The following GRIA4 variants were observed in gnomAD, a reference collection of about 807,000 sequenced individuals.
GRIA4 encodes glutamate ionotropic receptor AMPA type subunit 4.
A neutral mutation model predicts 104.0 loss-of-function variants in GRIA4; 34 were observed. That is an observed-to-expected ratio of 0.33 (90% confidence interval 0.25 to 0.44). The LOEUF (loss-of-function observed/expected upper bound fraction) is 0.44, where lower values mean the gene tolerates loss of function less well. GRIA4 is among the 20% of genes least tolerant of loss of function. The probability of loss-of-function intolerance (pLI) is 1.00; values close to 1 mark genes in which losing one functional copy is unlikely to be tolerated. For missense variants in GRIA4, 750 were observed against 1,096.5 expected (o/e 0.68, Z 4.46); for synonymous variants, 386 against 381.9 (o/e 1.01, Z -0.13).
chr11:105,953,735 T>A (rs1291048798), intron 14 of GRIA4, among the ~76,000 whole-genome samples: 1 of 152,098 alleles, frequency 6.6e-6, no homozygotes, highest in Non-Finnish European at 1.5e-5. Context: ...TTTAGTTTGA[T>A]TTCAAGAAAG....
intron 3 of GRIA4, among the ~76,000 whole-genome samples, chr11:105,733,162 A>T (rs1229278675): frequency 6.6e-6 from 1 of 152,234 alleles, no homozygotes; most frequent in Non-Finnish European, 1.5e-5. Context: ...ATACATTTTC[A>T]TACATTTCTA....
chr11:105,739,135 G>A (rs980555149), intron 3 of GRIA4, among the ~76,000 whole-genome samples: 3 of 152,082 alleles, frequency 2.0e-5, no homozygotes, highest in African/African-American at 4.8e-5. Context: ...CAAGGAAGCC[G>A]TCTTTACACT....
intron 3 of GRIA4, among the ~76,000 whole-genome samples, chr11:105,751,758 T>G (rs1362051817): frequency 6.6e-6 from 1 of 152,214 alleles, no homozygotes; most frequent in Non-Finnish European, 1.5e-5. Context: ...TAAATGCACA[T>G]AGAAAACTGT....
chr11:105,814,330 T>G (rs1207450834), intron 4 of GRIA4, among the ~76,000 whole-genome samples: 2 of 152,212 alleles, frequency 1.3e-5, no homozygotes, highest in Non-Finnish European at 2.9e-5. Flanking sequence ...TACTATTATT[T>G]ATGTAATGGT....
At chr11:105,905,434 C>T (rs556874916) in intron 9 of GRIA4, 133 bp downstream of exon 9, 1 of 588,476 alleles carries the variant, frequency 1.7e-6, no homozygotes, top group South Asian at 2.2e-5. Flanking sequence ...TTAGTACTTT[C>T]TTTATAATCA....
At chr11:105,879,572 C>T (rs973415130) in intron 5 of GRIA4, among the ~76,000 whole-genome samples, 1 of 152,112 alleles carries the variant, frequency 6.6e-6, no homozygotes, top group African/African-American at 2.4e-5. Context: ...AACTGCAAAC[C>T]CAGACTAGGA....
intron 4 of GRIA4, among the ~76,000 whole-genome samples, chr11:105,852,476 C>T (rs1944846748): frequency 6.6e-6 from 1 of 152,086 alleles, no homozygotes; most frequent in Non-Finnish European, 1.5e-5. Context: ...AAATAACCTG[C>T]CTCAGAACCA....
intron 10 of GRIA4, chr11:105,913,483 T>C: frequency 1.8e-6 from 1 of 560,796 alleles, no homozygotes. Context: ...TGTTATAAAA[T>C]CAATAAAATT....
chr11:105,669,832 C>T (rs189684323), intron 3 of GRIA4, among the ~76,000 whole-genome samples: 10 of 152,230 alleles, frequency 6.6e-5, no homozygotes, highest in African/African-American at 2.4e-4. Flanking sequence ...AACGAATTCC[C>T]TTAAGCTAAA....
intron 10 of GRIA4, chr11:105,912,124 GTT>G: frequency 1.9e-6 from 2 of 1,076,768 alleles, no homozygotes; most frequent in Non-Finnish European, 2.3e-6. Flanking sequence ...AGAAATAGAT[GTT>G]GACAAAGAAT....
At chr11:105,971,030 TAG>T (rs1434245179) in intron 14 of GRIA4, among the ~76,000 whole-genome samples, 1 of 152,166 alleles carries the variant, frequency 6.6e-6, no homozygotes, top group Non-Finnish European at 1.5e-5. Flanking sequence ...TAAATATAAA[TAG>T]AGTCTTCTTA....
chr11:105,787,369 A>C (rs1942015897), intron 4 of GRIA4, among the ~76,000 whole-genome samples: 1 of 152,076 alleles, frequency 6.6e-6, no homozygotes, highest in African/African-American at 2.4e-5. Context: ...AAAACGTAAG[A>C]TACTGTTATA....
rs115274806 is a variant in GRIA4, at chr11:105,932,534, T to C, written c.2047-1188T>C. 8.7e-3 allele frequency among the ~76,000 whole-genome samples: 1,321 copies of C among 152,244 alleles called. 18 individuals are homozygous for C. The highest frequency in any genetic ancestry group is 0.03 in the African/African-American group (1,234 of 41,554). On this transcript the variant is annotated intron_variant, in intron 13 of 16. Coordinates refer to ENST00000282499, the MANE Select transcript of GRIA4 (RefSeq NM_000829.4). ...AAAAATGTGCGAATGAAAAATTTAA[T>C]GCAAATGCAGATAACAAGAAAAAGG...
At chr11:105,777,334 C>T (rs969188281) in intron 4 of GRIA4, among the ~76,000 whole-genome samples, 1 of 152,044 alleles carries the variant, frequency 6.6e-6, no homozygotes, top group Non-Finnish European at 1.5e-5. Flanking sequence ...TAGTTATATG[C>T]TTCAGTTAGC....
At chr11:105,768,689 G>T (rs1223955431) in intron 4 of GRIA4, among the ~76,000 whole-genome samples, 5 of 152,014 alleles carry the variant, frequency 3.3e-5, no homozygotes, top group Admixed American at 3.3e-4. Flanking sequence ...TAGTAGGAAG[G>T]TGAGGGCCTT....
At chr11:105,910,202 T>C (rs1256833956) in intron 9 of GRIA4, among the ~76,000 whole-genome samples, 1 of 152,148 alleles carries the variant, frequency 6.6e-6, no homozygotes, top group Non-Finnish European at 1.5e-5. Flanking sequence ...CACTCCACTA[T>C]TGTAAACAGT....
chr11:105,930,233 T>C (rs1947834239), intron 13 of GRIA4, among the ~76,000 whole-genome samples: 4 of 152,130 alleles, frequency 2.6e-5, no homozygotes. Flanking sequence ...CACAGGGCTA[T>C]TACTTCCAGT....
chr11:105,796,223 G>A (rs976888535), intron 4 of GRIA4, among the ~76,000 whole-genome samples: 5 of 152,080 alleles, frequency 3.3e-5, no homozygotes, highest in Non-Finnish European at 7.4e-5. Flanking sequence ...ATCAAATGCA[G>A]TACATTTGGC....
intron 3 of GRIA4, among the ~76,000 whole-genome samples, chr11:105,708,614 T>C (rs759546750): frequency 2.0e-5 from 3 of 152,078 alleles, no homozygotes; most frequent in Non-Finnish European, 2.9e-5. Context: ...CCAGATACGG[T>C]ACACTAGTTA....
Sources: gnomAD v4.1 joint callset for allele counts (sites outside exome capture counted in the v4.1 genomes callset) on GRCh38, gnomAD v4.1.1 for gene constraint, MANE v1.5 for transcripts, NCBI Gene and HGNC (gene_info 2026-07-23, HGNC 2026-07-21) for gene names.